The following EXOSC2 variants were observed in gnomAD, a reference collection of about 807,000 sequenced individuals.
EXOSC2 encodes exosome component 2.
A neutral mutation model predicts 37.6 loss-of-function variants in EXOSC2; 29 were observed. The ratio of observed to expected loss-of-function variants is 0.77; its 90% CI spans 0.57 to 1.05. The LOEUF (loss-of-function observed/expected upper bound fraction) is 1.05, where lower values mean the gene tolerates loss of function less well. Among genes scored for constraint, EXOSC2 ranks in the 50% least tolerant of loss-of-function variants. EXOSC2 has a pLI of 0.00. For missense variants in EXOSC2, 346 were observed against 365.6 expected (o/e 0.95, Z 0.44); for synonymous variants, 119 against 131.1 (o/e 0.91, Z 0.63).
intron 7 of EXOSC2, 63 bp from the exon 8 acceptor site, chr9:130,702,990 G>T (rs1470182696): frequency 6.4e-7 from 1 of 1,561,214 alleles, no homozygotes; most frequent in African/African-American, 1.4e-5. Flanking sequence ...GTGAATTTCT[G>T]TGGCTGGTCA....
intron 1 of EXOSC2, among the ~76,000 whole-genome samples, chr9:130,695,059 T>C (rs1831063470): frequency 6.6e-6 from 1 of 152,190 alleles, no homozygotes; most frequent in Non-Finnish European, 1.5e-5. Context: ...TTTCAACATA[T>C]ATTTTGTGCA....
rs570455411 is a variant in EXOSC2, at chr9:130,701,916, G to C, written c.496-218G>C. 8.0e-6 allele frequency: 11 copies of C among 1,371,382 alleles called. No individual in the cohort carries two copies. In the Admixed American group the frequency reaches 3.5e-4, roughly 43 times the overall value. The allele number at this position is 1,371,382 out of a possible 1,614,324, so 85.0% of individuals were successfully genotyped here. On this transcript the variant is annotated intron_variant, in intron 6 of 8. Transcript: ENST00000372358. ...GACTGCAAAGGGAAATGACAGAGAA[G>C]AGTATTGAAGGTCACCTTCTGCTGG... is the stretch of plus-strand genomic sequence containing the variant.
rs1389978125 is a variant in EXOSC2 at position 130,693,799 on chromosome 9, T to C, written c.8T>C (p.Met3Thr). Residue 3 changes from methionine (M) to threonine (T), a missense_variant, in exon 1 of 9, where the codon ATG (methionine) becomes ACG (threonine). Coordinates refer to ENST00000372358, the MANE Select transcript of EXOSC2 (RefSeq NM_014285.7). The stretch of plus-strand genomic sequence containing the variant: ...CAACTCATTGGCGCCAAGATGGCGA[T>C]GGAGATGAGGCTTCCAGTGGCTCGC... MA[M>T]EMRLPVARKP... 1 of 1,603,928 alleles carries C rather than the reference T, an allele frequency of 6.2e-7. No individual in the cohort carries two copies. Among genetic ancestry groups the C allele is most frequent in the Non-Finnish European group, 8.5e-7 (1 of 1,173,396 alleles).
chr9:130,695,495 C>T lies in EXOSC2; in HGVS notation c.126C>T (p.Gly42=). The T allele has an allele frequency of 6.2e-7, 1 of 1,613,514 alleles. No homozygotes were observed. Among genetic ancestry groups the T allele is most frequent in the Non-Finnish European group, 8.5e-7 (1 of 1,179,452 alleles). The change falls in exon 2 of 9, where the codon GGC becomes GGT. Residue 42 remains glycine, a synonymous_variant. Coordinates refer to ENST00000372358, the MANE Select transcript of EXOSC2 (RefSeq NM_014285.7). ...TTGTATCTTCGCCTTGCATCAGGGG[C>T]CATGGAACGTATATGGGAGAAGAGA... ...TITTDTGFMR[G]HGTYMGEEKL... is the part of the protein sequence containing the mutation.
chr9:130,699,550 TC>T, intron 5 of EXOSC2, 156 bp downstream of exon 5: 1 of 745,056 alleles, frequency 1.3e-6, no homozygotes, highest in Non-Finnish European at 2.3e-6. Context: ...TTTCTCAGTC[TC>T]CTTAATTCAG....
chr9:130,695,469 T>A lies in EXOSC2; in HGVS notation c.123-23T>A, dbSNP rs373224770. 1.1e-5 allele frequency: 17 copies of A among 1,598,440 alleles called. No homozygotes were observed. In the African/African-American group the frequency reaches 2.3e-4, roughly 21 times the overall value. Reference sequence around the variant, plus strand: ...TTTCGAGTTACCCTCGTATCCTTTCTTTGTATCTTCGCCTTGCATCAGGGG... The same window carrying A: ...TTTCGAGTTACCCTCGTATCCTTTCATTGTATCTTCGCCTTGCATCAGGGG... On this transcript the variant is annotated intron_variant, in intron 1 of 8. Transcript: ENST00000372358.
intron 5 of EXOSC2, 54 bp downstream of exon 5, chr9:130,699,448 A>G: frequency 2.0e-6 from 3 of 1,521,874 alleles, no homozygotes; most frequent in South Asian, 2.2e-5. Flanking sequence ...GGACTGGGAA[A>G]TGGGCCTTCC....
At chr9:130,700,107 C>T (rs998198647) in intron 5 of EXOSC2, among the ~76,000 whole-genome samples, 53 of 152,094 alleles carry the variant, frequency 3.5e-4, no homozygotes, top group African/African-American at 1.1e-3. Context: ...CTCACTGCAA[C>T]GTCCGCCTCT....
upstream of EXOSC2, chr9:130,693,768 C>G (rs1426499723): frequency 3.1e-6 from 5 of 1,590,422 alleles, no homozygotes; most frequent in African/African-American, 5.4e-5. Context: ...CTGAGCTGCG[C>G]CTGCGCAACT....
At chr9:130,701,021 T>C in intron 6 of EXOSC2, 86 bp downstream of exon 6, 1 of 1,314,570 alleles carries the variant, frequency 7.6e-7, no homozygotes, top group South Asian at 1.2e-5. Flanking sequence ...AATTCTGGCC[T>C]AAAGAACCCC....
Position 130,700,916 on chromosome 9 carries a change from G to C in EXOSC2, c.476G>C (p.Arg159Thr). Residue 159 changes from arginine (R) to threonine (T), a missense_variant, in exon 6 of 9, where the codon AGG becomes ACG. By Grantham distance (71) the Arg-to-Thr change is moderately conservative. Coordinates refer to ENST00000372358, the MANE Select transcript of EXOSC2 (RefSeq NM_014285.7). ...GACGGAGCTGTCTCTTTGCACACGA[G>C]GAGCCTGAAATATGGAAAAGTAAGT... ...FSDGAVSLHT[R>T]SLKYGKLGQG... 6.2e-7 allele frequency: 1 copy of C among 1,614,016 alleles called. No individual in the cohort carries two copies. The highest frequency in any genetic ancestry group is 8.5e-7 in the Non-Finnish European group (1 of 1,179,976).
chr9:130,696,111 C>A (rs561038116), intron 2 of EXOSC2, among the ~76,000 whole-genome samples: 6 of 152,062 alleles, frequency 3.9e-5, no homozygotes, highest in Non-Finnish European at 8.8e-5. Context: ...GATTTCCCCC[C>A]ACTTGGCCTC....
In EXOSC2 at chr9:130,702,217, C is replaced by CTCA; in HGVS notation, c.580_582dup (p.Ser194dup). 2 of 1,614,138 alleles carry CTCA rather than the reference C, an allele frequency of 1.2e-6. No homozygotes were observed. Among genetic ancestry groups the CTCA allele is most frequent in the Non-Finnish European group, 1.7e-6 (2 of 1,180,032 alleles). Reference sequence around the variant, plus strand: ...ACTTTCATGATTTGCCATGTGGTGCCTCAGTGATTCTCGGTAACAACGGCT... The same window carrying CTCA: ...ACTTTCATGATTTGCCATGTGGTGCCTCATCAGTGATTCTCGGTAACAACGGCT... On this transcript the variant is annotated inframe_insertion, in exon 7 of 9. Transcript: ENST00000372358.
intron 7 of EXOSC2, 54 bp from the exon 8 acceptor site, chr9:130,702,999 C>A: frequency 6.4e-7 from 1 of 1,574,276 alleles, no homozygotes; most frequent in South Asian, 1.1e-5. Flanking sequence ...TGTGGCTGGT[C>A]ACGTATTTTG....
chr9:130,703,053 C>T lies in EXOSC2; in HGVS notation c.673C>T (p.Pro225Ser). 1 of 1,612,638 alleles carries T rather than the reference C, an allele frequency of 6.2e-7. No individual in the cohort carries two copies. The highest frequency in any genetic ancestry group is 8.5e-7 in the Non-Finnish European group (1 of 1,179,118). ...EAGGFIANLEPVSLADREVIS... is the reference protein window; with the variant it reads ...EAGGFIANLESVSLADREVIS... ...TTCCCCTCTCTGTGTCTCCTTATAGCCTGTCTCTCTTGCTGATCGAGAGGT... is the reference window on the plus strand; with the variant it reads ...TTCCCCTCTCTGTGTCTCCTTATAGTCTGTCTCTCTTGCTGATCGAGAGGT... The change falls in exon 8 of 9, where the codon CCT becomes TCT. Residue 225 changes from proline to serine, a missense_variant and splice_region_variant. Coordinates refer to ENST00000372358, the MANE Select transcript of EXOSC2 (RefSeq NM_014285.7).
chr9:130,703,338 A>G (rs1398184756), intron 8 of EXOSC2, among the ~76,000 whole-genome samples, 157 bp downstream of exon 8: 2 of 152,200 alleles, frequency 1.3e-5, no homozygotes, highest in Admixed American at 6.5e-5. Flanking sequence ...ATCTTTCCCT[A>G]AGAAACTTGC....
rs1387797504 is a variant in EXOSC2, at chr9:130,693,788, CA to C, written c.-2del. The C allele has an allele frequency of 2.1e-5, 34 of 1,602,634 alleles. No individual in the cohort carries two copies. Among genetic ancestry groups the C allele is most frequent in the Non-Finnish European group, 2.8e-5 (33 of 1,172,228 alleles). ...CTGCGCCTGCGCAACTCATTGGCGC[CA>C]AGATGGCGATGGAGATGAGGCTTCC... On this transcript the variant is annotated 5_prime_UTR_variant, in exon 1 of 9. Coordinates refer to ENST00000372358, the MANE Select transcript of EXOSC2 (RefSeq NM_014285.7).
chr9:130,699,587 C>T, intron 5 of EXOSC2, 193 bp downstream of exon 5: 1 of 618,156 alleles, frequency 1.6e-6, no homozygotes, highest in Non-Finnish European at 2.9e-6. Flanking sequence ...CTTGTTGGGA[C>T]CTGCTGCTAA....
Position 130,703,738 on chromosome 9 carries a change from G to A in EXOSC2, c.846G>A (p.Met282Ile). ...CAGAAATAATGGAGGAGATTGTGAT[G>A]GAAACACGCCAGAGGCTTTTGGAAC... is the stretch of plus-strand genomic sequence containing the variant. ...LKPEIMEEIVMETRQRLLEQE... is the reference protein window; with the variant it reads ...LKPEIMEEIVIETRQRLLEQE... The change falls in exon 9 of 9, where the codon ATG (methionine) becomes ATA (isoleucine). Residue 282 changes from methionine (M) to isoleucine (I), a missense_variant. Physicochemically the swap from Met to Ile is conservative, Grantham distance 10. Coordinates refer to ENST00000372358, the MANE Select transcript of EXOSC2 (RefSeq NM_014285.7). 1 of 1,613,864 alleles carries A rather than the reference G, an allele frequency of 6.2e-7. No homozygotes were observed.
Sources: allele counts gnomAD v4.1 joint callset (sites outside exome capture counted in the v4.1 genomes callset), GRCh38; gene constraint gnomAD v4.1.1; transcripts MANE v1.5; gene names NCBI Gene and HGNC (gene_info 2026-07-23, HGNC 2026-07-21).